Variants in COPS4 observed in about 807,000 individuals in gnomAD.
The protein encoded by COPS4 is COP9 signalosome subunit 4.
A neutral mutation model predicts 55.1 loss-of-function variants in COPS4; 8 were observed. The observed-to-expected ratio is 0.15, with a 90% confidence interval of 0.09 to 0.26. COPS4 has a LOEUF of 0.26. COPS4 is among the 10% of genes least tolerant of loss of function. COPS4 has a pLI of 1.00. For synonymous variants in COPS4, 185 were observed against 165.7 expected, an observed-to-expected ratio of 1.12 and a Z score of -0.90; for missense variants, 248 against 484.0, an observed-to-expected ratio of 0.51 and a Z score of 4.58.
At chr4:83,053,762 C>G (rs72931136) in intron 4 of COPS4, among the ~76,000 whole-genome samples, 13,389 of 140,420 alleles carry the variant, frequency 0.095, 2,068 homozygotes, top group African/African-American at 0.33. Flanking sequence ...ATCATTTGAA[C>G]CCGGGATGTG....
intron 2 of COPS4, among the ~76,000 whole-genome samples, chr4:83,047,021 A>G (rs1481766322): frequency 6.6e-6 from 1 of 152,216 alleles, no homozygotes; most frequent in Non-Finnish European, 1.5e-5. Flanking sequence ...CACATCCTGT[A>G]TTACCCAATA....
At position 83,057,091 on chromosome 4, in the gene COPS4, G is replaced by A. The variant is rs755397617; in HGVS notation, c.564+12G>A. The A allele has an allele frequency of 1.5e-5, 24 of 1,606,462 alleles. No individual in the cohort carries two copies. The highest frequency in any genetic ancestry group is 1.5e-5 in the Non-Finnish European group (18 of 1,174,560). On this transcript the variant is annotated intron_variant, in intron 5 of 9. Transcript: ENST00000264389. ...AGATACATTATAAGGTAACAGATGA[G>A]TTGATTTGGAATTACTTTTGTATTG... is the stretch of plus-strand genomic sequence containing the variant.
intron 8 of COPS4, among the ~76,000 whole-genome samples, chr4:83,066,788 G>A (rs1731302476): frequency 6.6e-6 from 1 of 152,154 alleles, no homozygotes; most frequent in Admixed American, 6.5e-5. Context: ...GTTTTAAATT[G>A]TGTTTTGTGA....
At chr4:83,041,667 C>T (rs532137039) in intron 1 of COPS4, among the ~76,000 whole-genome samples, 3 of 151,942 alleles carry the variant, frequency 2.0e-5, no homozygotes, top group South Asian at 4.2e-4. Context: ...GGGGTTTCTC[C>T]GTGTTGGCCA....
chr4:83,038,814 TTTG>T (rs1278135544), intron 1 of COPS4, among the ~76,000 whole-genome samples: 1 of 152,122 alleles, frequency 6.6e-6, no homozygotes, highest in Non-Finnish European at 1.5e-5. Flanking sequence ...ACTACTTTTT[TTTG>T]TATTTTTAGT....
chr4:83,056,977 A>T lies in COPS4; in HGVS notation c.462A>T (p.Leu154=), dbSNP rs774903939. Reference sequence around the variant, plus strand: ...AGACTTACTTGAAGATTGCTAGGCTATATCTGGAGGATGATGATCCAGTCC... The same window carrying T: ...AGACTTACTTGAAGATTGCTAGGCTTTATCTGGAGGATGATGATCCAGTCC... The part of the protein sequence containing the change: ...KLETYLKIAR[L]YLEDDDPVQA... Residue 154 remains leucine (L), a synonymous_variant, in exon 5 of 10, where the codon CTA becomes CTT. Coordinates refer to ENST00000264389, the MANE Select transcript of COPS4 (RefSeq NM_016129.3). 1.2e-6 allele frequency: 2 copies of T among 1,613,310 alleles called. No homozygotes were observed. Among genetic ancestry groups the T allele is most frequent in the South Asian group, 1.1e-5 (1 of 91,068 alleles).
At chr4:83,060,228 G>A (rs1467352174) in intron 6 of COPS4, among the ~76,000 whole-genome samples, 1 of 147,664 alleles carries the variant, frequency 6.8e-6, no homozygotes, top group Non-Finnish European at 1.5e-5. Flanking sequence ...CTTTCGCCCA[G>A]GCTGGAGTGC....
rs1349754724 is a variant in COPS4, at chr4:83,075,540, T to G, written c.*110T>G. 1.6e-6 allele frequency: 2 copies of G among 1,229,830 alleles called. No homozygotes were observed. The highest frequency in any genetic ancestry group is 2.3e-6 in the Non-Finnish European group (2 of 886,332). 76.2% of individuals were successfully genotyped at this position (1,229,830 alleles called of 1,614,324 possible). On this transcript the variant is annotated 3_prime_UTR_variant, in exon 10 of 10. Transcript: ENST00000264389. ...ACCTTATACATTTCAATCCCTTTTA[T>G]GCTGGATTCCGTTTAAAGAAGACAT...
chr4:83,048,808 A>T (rs1730785721), intron 2 of COPS4, among the ~76,000 whole-genome samples: 1 of 148,332 alleles, frequency 6.7e-6, no homozygotes, highest in Admixed American at 6.8e-5. Context: ...TGCCTGACTA[A>T]TTTTTTTTTT....
chr4:83,073,295 G>A (rs1731484490), intron 9 of COPS4: 1 of 699,136 alleles, frequency 1.4e-6, no homozygotes, highest in South Asian at 1.5e-5. Context: ...TGTGACATGT[G>A]ACCTTTTGGC....
At chr4:83,053,883 T>A (rs987277422) in intron 4 of COPS4, among the ~76,000 whole-genome samples, 6 of 149,132 alleles carry the variant, frequency 4.0e-5, no homozygotes, top group Non-Finnish European at 8.9e-5. Flanking sequence ...CAACCAATCT[T>A]ACCTCTTGAT....
At chr4:83,073,518 G>GA (rs879912421) in intron 9 of COPS4, among the ~76,000 whole-genome samples, 74 of 149,540 alleles carry the variant, frequency 4.9e-4, no homozygotes, top group Non-Finnish European at 8.0e-4. Flanking sequence ...AAGCAAAATA[G>GA]AAAAAAAAAG....
chr4:83,049,026 G>C, intron 2 of COPS4, 140 bp from the exon 3 acceptor site: 1 of 686,188 alleles, frequency 1.5e-6, no homozygotes, highest in Non-Finnish European at 2.4e-6. Context: ...AAAATGATAG[G>C]GGTATGGAAA....
At chr4:83,060,667 G>T (rs1056538415) in intron 6 of COPS4, among the ~76,000 whole-genome samples, 7 of 151,464 alleles carry the variant, frequency 4.6e-5, no homozygotes, top group Non-Finnish European at 8.8e-5. Context: ...ATATCAATAA[G>T]TTTTTTGCAT....
At chr4:83,042,168 T>G (rs891540239) in intron 1 of COPS4, among the ~76,000 whole-genome samples, 8 of 152,158 alleles carry the variant, frequency 5.3e-5, no homozygotes, top group Admixed American at 2.0e-4. Flanking sequence ...CCTGACCATA[T>G]TGTAATTTAA....
intron 4 of COPS4, among the ~76,000 whole-genome samples, chr4:83,055,590 T>C (rs567516595): frequency 1.3e-5 from 2 of 152,122 alleles, no homozygotes; most frequent in African/African-American, 2.4e-5. Flanking sequence ...ACTGCAGGCA[T>C]GTGCCTCTAT....
chr4:83,064,236 C>T lies in COPS4; in HGVS notation c.886+990C>T, dbSNP rs534229546. Reference sequence around the variant, plus strand: ...CCTGTGGTTCTAGCTACTCGGGAGGCTGAGGTAGGAGGATTGCTTGAGCCC... The same window carrying T: ...CCTGTGGTTCTAGCTACTCGGGAGGTTGAGGTAGGAGGATTGCTTGAGCCC... On this transcript the variant is annotated intron_variant, in intron 7 of 9. Transcript: ENST00000264389. Among the ~76,000 whole-genome samples the T allele has an allele frequency of 1.6e-3, 241 of 152,228 alleles. 1 individual carries two copies. Among genetic ancestry groups the T allele is most frequent in the African/African-American group, 5.5e-3 (230 of 41,540 alleles).
intron 6 of COPS4, among the ~76,000 whole-genome samples, chr4:83,061,685 T>C (rs1396238860): frequency 1.3e-5 from 2 of 152,170 alleles, no homozygotes; most frequent in African/African-American, 4.8e-5. Context: ...GATGTTTAAA[T>C]TGTTCCAATC....
intron 4 of COPS4, among the ~76,000 whole-genome samples, chr4:83,055,175 AT>A (rs1730984535): frequency 6.6e-6 from 1 of 152,194 alleles, no homozygotes; most frequent in Admixed American, 6.5e-5. Flanking sequence ...GGTAAATAGG[AT>A]TAATTTTTCT....
Sources: allele counts gnomAD v4.1 joint callset (sites outside exome capture counted in the v4.1 genomes callset), GRCh38; gene constraint gnomAD v4.1.1; transcripts MANE v1.5; gene names NCBI Gene and HGNC (gene_info 2026-07-23, HGNC 2026-07-21).